The following POLE4 variants were observed in gnomAD, a reference collection of about 807,000 sequenced individuals.
The protein encoded by POLE4 is DNA polymerase epsilon subunit 4.
Under a neutral mutation model 15.6 loss-of-function variants are expected in POLE4, and 15 were observed. That is an observed-to-expected ratio of 0.96 (90% confidence interval 0.64 to 1.48). The LOEUF is 1.48. Among genes scored for constraint, POLE4 ranks in the 40% most tolerant of loss-of-function variants. The probability of loss-of-function intolerance (pLI) is 0.00; values close to 1 mark genes in which losing one functional copy is unlikely to be tolerated. For synonymous variants in POLE4, 83 were observed against 63.2 expected (o/e 1.31, Z -1.49); for missense variants, 205 against 151.9 (o/e 1.35, Z -1.84).
intron 3 of POLE4, among the ~76,000 whole-genome samples, chr2:74,964,364 AAG>A (rs1307725325): frequency 2.0e-5 from 3 of 152,182 alleles, no homozygotes; most frequent in South Asian, 2.1e-4. Flanking sequence ...ATTCCACAAA[AAG>A]AGATATTAAT....
At chr2:74,963,589 C>G (rs954099484) in intron 3 of POLE4, among the ~76,000 whole-genome samples, 2 of 152,056 alleles carry the variant, frequency 1.3e-5, no homozygotes, top group Non-Finnish European at 2.9e-5. Context: ...ATGCAGCCCC[C>G]CCTCCCACGT....
intron 2 of POLE4, 51 bp from the exon 3 acceptor site, chr2:74,960,054 G>C: frequency 1.3e-6 from 2 of 1,516,322 alleles, no homozygotes; most frequent in Non-Finnish European, 1.8e-6. Flanking sequence ...TTTTCTGACT[G>C]AGGTCAGCAT....
rs74794827 is a variant in POLE4, at chr2:74,963,387, C to T, written c.340+3241C>T. Among the ~76,000 whole-genome samples, 790 of 152,096 alleles carry T rather than the reference C, an allele frequency of 5.2e-3. 6 individuals are homozygous for T. Among genetic ancestry groups the T allele is most frequent in the African/African-American group, 0.018 (746 of 41,462 alleles). ...TGCCCTGATTGTGGGTGACATTGGGCGTCTTTTCATATACATGCCCATTTT... is the reference window on the plus strand; with the variant it reads ...TGCCCTGATTGTGGGTGACATTGGGTGTCTTTTCATATACATGCCCATTTT... On this transcript the variant is annotated intron_variant, in intron 3 of 3. Transcript: ENST00000483063.
chr2:74,967,336 A>G (rs1408885889), intron 3 of POLE4, among the ~76,000 whole-genome samples: 4 of 123,034 alleles, frequency 3.3e-5, no homozygotes, highest in African/African-American at 1.2e-4. Context: ...TTTTTTTTTT[A>G]GTTTCAGTTT....
At chr2:74,959,173 G>C (rs1006467753) in intron 1 of POLE4, 168 bp from the exon 2 acceptor site, 3 of 618,724 alleles carry the variant, frequency 4.8e-6, no homozygotes, top group Non-Finnish European at 8.8e-6. Context: ...ATACTGGGAA[G>C]AGGGTAGCGG....
rs745603225 is a variant in POLE4 at position 74,958,697 on chromosome 2, G to A, written c.18G>A (p.Ala6=). The change falls in exon 1 of 4, where the codon GCG becomes GCA. Residue 6 remains alanine (A), a synonymous_variant. Coordinates refer to ENST00000483063, the MANE Select transcript of POLE4 (RefSeq NM_019896.4). The part of the protein sequence containing the change: MAAAA[A]AGSGTPREEE... ...AGGCCGGGATGGCGGCGGCGGCGGCGGCAGGAAGCGGGACGCCCCGAGAGG... is the reference window on the plus strand; with the variant it reads ...AGGCCGGGATGGCGGCGGCGGCGGCAGCAGGAAGCGGGACGCCCCGAGAGG... 5.2e-5 allele frequency: 77 copies of A among 1,471,448 alleles called. No homozygotes were observed. Among genetic ancestry groups the A allele is most frequent in the Non-Finnish European group, 6.6e-5 (74 of 1,116,824 alleles). 91.1% of individuals were successfully genotyped at this position (1,471,448 alleles called of 1,614,324 possible). A position where few individuals can be genotyped will look rare whatever the true frequency, so the allele number is the denominator to read the frequency against.
rs1030228449 is a variant in POLE4 at position 74,969,774 on chromosome 2, G to A, written c.*352G>A. 3 of 236,550 alleles carry A rather than the reference G, an allele frequency of 1.3e-5. No homozygotes were observed. Among genetic ancestry groups the A allele is most frequent in the Non-Finnish European group, 2.5e-5 (3 of 119,598 alleles). The allele number at this position is 236,550 out of a possible 1,614,324, so 14.7% of individuals were successfully genotyped here. On this transcript the variant is annotated 3_prime_UTR_variant, in exon 4 of 4. Transcript: ENST00000483063. Reference sequence around the variant, plus strand: ...AATCTCGCCTTTGTTCCTACCCTGTGACTGGAGAGTCACCATACCTGGTCA... The same window carrying A: ...AATCTCGCCTTTGTTCCTACCCTGTAACTGGAGAGTCACCATACCTGGTCA...
At chr2:74,968,222 C>T (rs1671321445) in intron 3 of POLE4, among the ~76,000 whole-genome samples, 1 of 152,118 alleles carries the variant, frequency 6.6e-6, no homozygotes, top group South Asian at 2.1e-4. Context: ...TCAACAGGAA[C>T]TTGCCATTAT....
intron 3 of POLE4, 76 bp downstream of exon 3, chr2:74,960,222 C>A: frequency 8.5e-7 from 1 of 1,179,040 alleles, no homozygotes; most frequent in Non-Finnish European, 1.3e-6. Flanking sequence ...TCTCATAAAA[C>A]GGATGCCTGC....
intron 3 of POLE4, among the ~76,000 whole-genome samples, chr2:74,965,708 T>C (rs1039029693): frequency 1.3e-5 from 2 of 152,238 alleles, no homozygotes; most frequent in African/African-American, 4.8e-5. Context: ...AATGTTGTTA[T>C]ATATTGTTGG....
In POLE4 at chr2:74,969,341, G is replaced by T. The variant is rs1671337189; in HGVS notation, c.341-68G>T. 4.8e-6 allele frequency: 7 copies of T among 1,447,150 alleles called. No homozygotes were observed. In the East Asian group the frequency reaches 1.4e-4, roughly 28 times the overall value. 89.6% of individuals were successfully genotyped at this position (1,447,150 alleles called of 1,614,324 possible). A position where few individuals can be genotyped will look rare whatever the true frequency, so the allele number is the denominator to read the frequency against. ...CCGGAGCCTCTTCTGCATTAAGTTT[G>T]CCCAGCTTGTTACACTAATCCAGCT... On this transcript the variant is annotated intron_variant, in intron 3 of 3. Transcript: ENST00000483063.
chr2:74,965,342 A>G (rs1573428958), intron 3 of POLE4, among the ~76,000 whole-genome samples: 1 of 151,858 alleles, frequency 6.6e-6, no homozygotes, highest in Non-Finnish European at 1.5e-5. Flanking sequence ...TTCAAGGTCC[A>G]CCCGCCTCAG....
intron 3 of POLE4, among the ~76,000 whole-genome samples, chr2:74,967,277 A>G (rs958710664): frequency 1.3e-5 from 2 of 148,856 alleles, no homozygotes; most frequent in African/African-American, 5.0e-5. Flanking sequence ...CTGATCTTCC[A>G]GTTTATTCTC....
chr2:74,967,606 C>T (rs1340528284), intron 3 of POLE4, among the ~76,000 whole-genome samples: 1 of 152,152 alleles, frequency 6.6e-6, no homozygotes, highest in Non-Finnish European at 1.5e-5. Context: ...AATCTAACAT[C>T]CATAGTCTCT....
chr2:74,963,186 C>G (rs541885444), intron 3 of POLE4, among the ~76,000 whole-genome samples: 13 of 152,304 alleles, frequency 8.5e-5, no homozygotes, highest in African/African-American at 2.6e-4. Flanking sequence ...ATTCGTATCT[C>G]CATCTTTGGC....
chr2:74,967,812 A>G (rs1282526203), intron 3 of POLE4, among the ~76,000 whole-genome samples: 1 of 152,226 alleles, frequency 6.6e-6, no homozygotes, highest in East Asian at 1.9e-4. Flanking sequence ...TCAGTGCAGG[A>G]CTTCTGAATC....
At chr2:74,960,711 C>G (rs552419802) in intron 3 of POLE4, 1 of 427,364 alleles carries the variant, frequency 2.3e-6, no homozygotes, top group Non-Finnish European at 4.7e-6. Flanking sequence ...TCAGTCTGAT[C>G]AGCTTACTCT....
chr2:74,967,636 G>T (rs1449828464), intron 3 of POLE4, among the ~76,000 whole-genome samples: 3 of 151,970 alleles, frequency 2.0e-5, no homozygotes, highest in African/African-American at 4.8e-5. Flanking sequence ...CTTTTTGTCT[G>T]TTGTTTCTTT....
At chr2:74,965,718 G>A (rs1671285306) in intron 3 of POLE4, among the ~76,000 whole-genome samples, 1 of 152,116 alleles carries the variant, frequency 6.6e-6, no homozygotes, top group South Asian at 2.1e-4. Context: ...TATATTGTTG[G>A]TGATTGAGCC....
Sources: gnomAD v4.1 joint callset for allele counts (sites outside exome capture counted in the v4.1 genomes callset) on GRCh38, gnomAD v4.1.1 for gene constraint, MANE v1.5 for transcripts, NCBI Gene and HGNC (gene_info 2026-07-23, HGNC 2026-07-21) for gene names.